The following UNC13C variants were observed in gnomAD, a reference collection of about 807,000 sequenced individuals.
The protein encoded by UNC13C is protein unc-13 homolog C.
UNC13C carries 174 observed loss-of-function variants against 245.4 expected under a neutral mutation model. The observed-to-expected ratio is 0.71, with a 90% CI of 0.63 to 0.80. The LOEUF is 0.80. Among genes scored for constraint, UNC13C ranks in the 30% least tolerant of loss-of-function variants. The pLI is 0.00. For synonymous variants in UNC13C, 992 were observed against 895.1 expected, an observed-to-expected ratio of 1.11 and a Z score of -1.93; for missense variants, 2,829 against 2,602.9, an observed-to-expected ratio of 1.09 and a Z score of -1.89.
chr15:54,234,991 T>A, intron 4 of UNC13C, 39 bp from the exon 5 acceptor site: 3 of 1,573,592 alleles, frequency 1.9e-6, no homozygotes, highest in Non-Finnish European at 2.6e-6. Context: ...AAGAAGTCAT[T>A]TTACCCATTG....
chr15:54,571,312 T>G (rs1034648576), intron 30 of UNC13C, among the ~76,000 whole-genome samples: 1 of 151,730 alleles, frequency 6.6e-6, no homozygotes, highest in Non-Finnish European at 1.5e-5. Context: ...GGCAAGAGAG[T>G]GTGTGCAGGG....
chr15:54,344,388 C>G (rs924614913), intron 17 of UNC13C, among the ~76,000 whole-genome samples: 1 of 152,010 alleles, frequency 6.6e-6, no homozygotes, highest in African/African-American at 2.4e-5. Flanking sequence ...TCTAATATAG[C>G]TTAATATTTT....
chr15:54,210,162 GAAAT>G (rs937581705), intron 4 of UNC13C, among the ~76,000 whole-genome samples: 2 of 148,806 alleles, frequency 1.3e-5, no homozygotes, highest in Non-Finnish European at 3.0e-5. Flanking sequence ...TTCCAGAAAT[GAAAT>G]AAATATTTAT....
At chr15:54,199,439 G>A (rs1023362367) in intron 4 of UNC13C, among the ~76,000 whole-genome samples, 13 of 152,026 alleles carry the variant, frequency 8.6e-5, no homozygotes, top group Admixed American at 2.0e-4. Flanking sequence ...GAGTTGTGAC[G>A]TAAAGCATCA....
chr15:53,954,786 TAAAGG>T, the UNC13C span, among the ~76,000 whole-genome samples: 1 of 152,164 alleles, frequency 6.6e-6, no homozygotes, highest in Non-Finnish European at 1.5e-5. Flanking sequence ...CTCTCAAACT[TAAAGG>T]AGAAGCTTTA....
chr15:54,014,319 G>T lies in UNC13C; in HGVS notation c.1416G>T (p.Glu472Asp), dbSNP rs781727796. 6.2e-7 allele frequency: 1 copy of T among 1,613,908 alleles called. No homozygotes were observed. Residue 472 changes from glutamate to aspartate, a missense_variant, in exon 2 of 33, where the codon GAG (glutamate) becomes GAT (aspartate). Coordinates refer to ENST00000260323, the MANE Select transcript of UNC13C (RefSeq NM_001080534.3). ...GTTACGCTGTGCTTTCCAAGTCAGA[G>T]CTTCTAACAAAGGGAAGTACTTCCA... The part of the protein sequence containing the change: ...RNSYAVLSKS[E>D]LLTKGSTSKP...
At chr15:54,408,414 G>A (rs1048795267) in intron 18 of UNC13C, among the ~76,000 whole-genome samples, 1 of 151,856 alleles carries the variant, frequency 6.6e-6, no homozygotes, top group African/African-American at 2.4e-5. Flanking sequence ...AAAGATCTCA[G>A]TGCTTAACTC....
At position 54,233,109 on chromosome 15, in the gene UNC13C, A is replaced by G. The variant is rs187473048; in HGVS notation, c.3072-1921A>G. ...TGACATTCAAAAGAGTATGTCACCA[A>G]TGATTCTTTCTTGTGATGTACATTC... On this transcript the variant is annotated intron_variant, in intron 4 of 32. Transcript: ENST00000260323. 2.9e-3 allele frequency among the ~76,000 whole-genome samples: 437 copies of G among 152,256 alleles called. 3 individuals are homozygous for G. Among genetic ancestry groups the G allele is most frequent in the Middle Eastern group, 6.8e-3 (2 of 294 alleles).
At chr15:54,517,902 G>T (rs1198870879) in intron 24 of UNC13C, among the ~76,000 whole-genome samples, 1 of 152,106 alleles carries the variant, frequency 6.6e-6, no homozygotes, top group Non-Finnish European at 1.5e-5. Context: ...CAACAATTCA[G>T]AAATAAACTC....
chr15:54,065,758 C>A (rs1415404637), intron 2 of UNC13C, among the ~76,000 whole-genome samples: 1 of 152,200 alleles, frequency 6.6e-6, no homozygotes, highest in East Asian at 1.9e-4. Context: ...CCCAATCTAA[C>A]TGCAAGTGAG....
intron 2 of UNC13C, among the ~76,000 whole-genome samples, chr15:54,100,256 G>A (rs1900096201): frequency 6.6e-6 from 1 of 151,654 alleles, no homozygotes; most frequent in Admixed American, 6.6e-5. Context: ...ACTTCTTTGA[G>A]AGTTTTTCCA....
At chr15:54,401,596 A>G (rs963534963) in intron 18 of UNC13C, among the ~76,000 whole-genome samples, 1 of 152,198 alleles carries the variant, frequency 6.6e-6, no homozygotes, top group Admixed American at 6.5e-5. Context: ...TGAAGTATAA[A>G]CAGGAACGAA....
intron 4 of UNC13C, among the ~76,000 whole-genome samples, chr15:54,145,892 T>C (rs1044336383): frequency 6.6e-6 from 1 of 152,240 alleles, no homozygotes; most frequent in East Asian, 1.9e-4. Context: ...GCAGTATAAA[T>C]GTCTGGCTAA....
At chr15:53,934,554 A>G in the UNC13C span, among the ~76,000 whole-genome samples, 2 of 152,212 alleles carry the variant, frequency 1.3e-5, no homozygotes, top group African/African-American at 4.8e-5. Context: ...AGAGTCAGCT[A>G]TTTCTAGACA....
intron 30 of UNC13C, among the ~76,000 whole-genome samples, chr15:54,579,062 T>C (rs1898088267): frequency 6.6e-6 from 1 of 152,112 alleles, no homozygotes. Flanking sequence ...GCATGGGGCT[T>C]GGATGGTGGA....
chr15:54,432,189 C>G (rs1418416788), intron 19 of UNC13C, among the ~76,000 whole-genome samples: 1 of 151,414 alleles, frequency 6.6e-6, no homozygotes, highest in Non-Finnish European at 1.5e-5. Flanking sequence ...AATCTCTGCC[C>G]TAATAGAGTC....
chr15:54,618,336 G>C (rs1900573852), intron 30 of UNC13C, among the ~76,000 whole-genome samples: 1 of 152,124 alleles, frequency 6.6e-6, no homozygotes, highest in African/African-American at 2.4e-5. Context: ...TAGTGACAAA[G>C]GGCATGTTGT....
At chr15:54,571,704 C>G (rs1897762899) in intron 30 of UNC13C, among the ~76,000 whole-genome samples, 1 of 152,150 alleles carries the variant, frequency 6.6e-6, no homozygotes, top group Non-Finnish European at 1.5e-5. Flanking sequence ...AAACACCTGC[C>G]ACTCTGCCTG....
At chr15:54,200,890 T>C (rs1024368050) in intron 4 of UNC13C, among the ~76,000 whole-genome samples, 3 of 151,988 alleles carry the variant, frequency 2.0e-5, no homozygotes, top group African/African-American at 7.2e-5. Flanking sequence ...AAAAAGTTTG[T>C]TCTTTGAAAA....
Sources: allele counts gnomAD v4.1 joint callset (sites outside exome capture counted in the v4.1 genomes callset), GRCh38; gene constraint gnomAD v4.1.1; transcripts MANE v1.5; gene names NCBI Gene and HGNC (gene_info 2026-07-23, HGNC 2026-07-21).